The following AGBL1 variants were observed in gnomAD, a reference collection of about 807,000 sequenced individuals.
AGBL1 encodes AGBL carboxypeptidase 1.
A neutral mutation model predicts 118.9 loss-of-function variants in AGBL1; 130 were observed. The ratio of observed to expected loss-of-function variants is 1.09; its 90% CI spans 0.95 to 1.26. The LOEUF (loss-of-function observed/expected upper bound fraction) is 1.26, where lower values mean the gene tolerates loss of function less well. Ranked by LOEUF, AGBL1 falls within the 50% of genes most tolerant of loss-of-function variation. The pLI is 0.00. For missense variants in AGBL1, 1,584 were observed against 1,298.1 expected, an observed-to-expected ratio of 1.22 and a Z score of -3.38; for synonymous variants, 555 against 478.9, an observed-to-expected ratio of 1.16 and a Z score of -2.08.
chr15:86,810,761 G>T (rs190936072), intron 22 of AGBL1, among the ~76,000 whole-genome samples: 1 of 152,090 alleles, frequency 6.6e-6, no homozygotes, highest in Non-Finnish European at 1.5e-5. Flanking sequence ...TTAAATTTCA[G>T]CTTTTGTCTC....
chr15:86,450,867 T>C (rs957995862), intron 18 of AGBL1, among the ~76,000 whole-genome samples: 2 of 152,216 alleles, frequency 1.3e-5, no homozygotes, highest in Admixed American at 6.5e-5. Context: ...ATATTTTATT[T>C]ATCTTCATTA....
chr15:86,668,518 G>C (rs116761253), intron 21 of AGBL1, among the ~76,000 whole-genome samples: 1 of 151,968 alleles, frequency 6.6e-6, no homozygotes, highest in African/African-American at 2.4e-5. Flanking sequence ...ACAAAAAGAC[G>C]TTTTTTTGGT....
intron 17 of AGBL1, among the ~76,000 whole-genome samples, chr15:86,345,134 G>A (rs555734815): frequency 1.1e-4 from 16 of 151,936 alleles, no homozygotes; most frequent in Non-Finnish European, 2.4e-4. Flanking sequence ...TGCCTCTACT[G>A]GTCTGCTTGA....
intron 22 of AGBL1, among the ~76,000 whole-genome samples, chr15:86,906,820 C>CG (rs2080287097): frequency 6.6e-6 from 1 of 152,146 alleles, no homozygotes; most frequent in Non-Finnish European, 1.5e-5. Flanking sequence ...ACTTTCCCCC[C>CG]CAAGCCTCAA....
At chr15:86,162,988 C>T (rs571318694) in intron 5 of AGBL1, among the ~76,000 whole-genome samples, 29 of 152,358 alleles carry the variant, frequency 1.9e-4, no homozygotes, top group African/African-American at 6.7e-4. Flanking sequence ...GACCTTCTTT[C>T]GACATGCATT....
chr15:86,667,359 A>C lies in AGBL1; in HGVS notation c.2995-6914A>C, dbSNP rs192119404. 3.1e-3 allele frequency among the ~76,000 whole-genome samples: 474 copies of C among 152,136 alleles called. 2 individuals are homozygous for C. Among genetic ancestry groups the C allele is most frequent in the African/African-American group, 0.011 (439 of 41,524 alleles). ...GGTATTAGGATTATGTTAATATTAT[A>C]AAATAAATTATGAAACTTTTTCTTG... is the stretch of plus-strand genomic sequence containing the variant. On this transcript the variant is annotated intron_variant, in intron 21 of 22. Coordinates refer to ENST00000614907, the MANE Select transcript of AGBL1 (RefSeq NM_001386094.1).
intron 3 of AGBL1, among the ~76,000 whole-genome samples, chr15:86,148,467 C>G (rs2077061610): frequency 6.6e-6 from 1 of 152,130 alleles, no homozygotes; most frequent in Non-Finnish European, 1.5e-5. Context: ...GGCACAAGAA[C>G]TTCGTGACAC....
chr15:86,648,422 C>T (rs959061021), intron 21 of AGBL1, among the ~76,000 whole-genome samples: 2 of 152,172 alleles, frequency 1.3e-5, no homozygotes, highest in African/African-American at 4.8e-5. Flanking sequence ...ATGGAGTGCT[C>T]TCAGGTTTTT....
rs562358870 is a variant in AGBL1, at chr15:86,749,561, G to A, written c.3158+75125G>A. Among the ~76,000 whole-genome samples the A allele has an allele frequency of 1.4e-3, 213 of 152,230 alleles. 1 individual carries two copies. Among genetic ancestry groups the A allele is most frequent in the African/African-American group, 4.7e-3 (195 of 41,540 alleles). On this transcript the variant is annotated intron_variant, in intron 22 of 22. Coordinates refer to ENST00000614907, the MANE Select transcript of AGBL1 (RefSeq NM_001386094.1). ...TCCAACACTATGTTGAATAGGAGTG[G>A]TGAGAGAGGGCATCCCTGTCTTGTG...
chr15:86,477,057 G>A (rs2082570610), intron 18 of AGBL1, among the ~76,000 whole-genome samples: 1 of 152,092 alleles, frequency 6.6e-6, no homozygotes, highest in Non-Finnish European at 1.5e-5. Context: ...CAACATACCA[G>A]AATCTCTGGG....
chr15:86,375,469 G>A (rs1196780081), intron 17 of AGBL1, among the ~76,000 whole-genome samples: 1 of 152,096 alleles, frequency 6.6e-6, no homozygotes, highest in Non-Finnish European at 1.5e-5. Flanking sequence ...TGGGGATCAT[G>A]GGGATTACAG....
At chr15:86,728,833 C>G (rs2077489942) in intron 22 of AGBL1, among the ~76,000 whole-genome samples, 1 of 151,970 alleles carries the variant, frequency 6.6e-6, no homozygotes, top group African/African-American at 2.4e-5. Context: ...TAAAATGGGC[C>G]CATTCCACCC....
chr15:86,416,842 C>T (rs1324380529), intron 18 of AGBL1, among the ~76,000 whole-genome samples: 4 of 152,126 alleles, frequency 2.6e-5, no homozygotes, highest in Non-Finnish European at 5.9e-5. Flanking sequence ...ATAGGCTTAG[C>T]AATTCGATGC....
intron 17 of AGBL1, among the ~76,000 whole-genome samples, chr15:86,342,387 T>C (rs2080474263): frequency 1.3e-5 from 2 of 152,194 alleles, no homozygotes; most frequent in South Asian, 4.1e-4. Context: ...TTTGGGATGA[T>C]GAAGAAAATG....
At chr15:86,551,309 A>G (rs1313470203) in intron 20 of AGBL1, among the ~76,000 whole-genome samples, 1 of 152,156 alleles carries the variant, frequency 6.6e-6, no homozygotes, top group Non-Finnish European at 1.5e-5. Context: ...TCATAATTTG[A>G]TTTCTTAAAA....
intron 18 of AGBL1, among the ~76,000 whole-genome samples, chr15:86,482,249 A>G (rs2082661377): frequency 6.6e-6 from 1 of 152,152 alleles, no homozygotes; most frequent in Admixed American, 6.6e-5. Context: ...TTTGAGGCTT[A>G]ATGAATTTGG....
chr15:86,178,276 G>A (rs1349306937), intron 5 of AGBL1, among the ~76,000 whole-genome samples: 3 of 152,154 alleles, frequency 2.0e-5, no homozygotes, highest in Non-Finnish European at 4.4e-5. Context: ...TCACACCACT[G>A]CACTCCAGCC....
At chr15:86,777,205 C>T (rs1261260719) in intron 22 of AGBL1, among the ~76,000 whole-genome samples, 1 of 151,998 alleles carries the variant, frequency 6.6e-6, no homozygotes, top group African/African-American at 2.4e-5. Context: ...GGGGTTGTTT[C>T]TTTTTTCCAT....
At chr15:86,291,981 A>G (rs966752166) in intron 16 of AGBL1, among the ~76,000 whole-genome samples, 1 of 152,142 alleles carries the variant, frequency 6.6e-6, no homozygotes, top group Non-Finnish European at 1.5e-5. Context: ...TCCTTTACTT[A>G]GTGTTGTGTC....
Sources: allele counts gnomAD v4.1 joint callset (sites outside exome capture counted in the v4.1 genomes callset), GRCh38; gene constraint gnomAD v4.1.1; transcripts MANE v1.5; gene names NCBI Gene and HGNC (gene_info 2026-07-23, HGNC 2026-07-21).